Variants in PCDH19 observed in about 807,000 individuals in gnomAD.
PCDH19 encodes the protein protocadherin-19.
A neutral mutation model predicts 46.2 loss-of-function variants in PCDH19; 6 were observed. That is an observed-to-expected ratio of 0.13 (90% CI 0.07 to 0.26). The LOEUF is 0.26. Ranked by LOEUF, PCDH19 falls within the 10% of genes least tolerant of loss-of-function variation. The pLI, the probability that PCDH19 is intolerant of heterozygous loss-of-function variation, is 1.00. For synonymous variants in PCDH19, 481 were observed against 415.7 expected (o/e 1.16, Z -1.91); for missense variants, 740 against 972.3 (o/e 0.76, Z 3.18).
In PCDH19 at chrX:100,344,266, C is replaced by T. The variant is rs150747535; in HGVS notation, c.2676-2191G>A. Among the ~76,000 whole-genome samples the T allele has an allele frequency of 2.6e-3, 296 of 111,833 alleles. 1 individual carries two copies. The highest frequency in any genetic ancestry group is 9.1e-3 in the African/African-American group (279 of 30,753). ...CAGCCTTATGGACCCACCAGGATGC[C>T]GTTCTTTAAAAAACAAACAAACAAG... On this transcript the variant is annotated intron_variant, in intron 4 of 5. Coordinates refer to ENST00000373034, the MANE Select transcript of PCDH19 (RefSeq NM_001184880.2).
intron 5 of PCDH19, among the ~76,000 whole-genome samples, chrX:100,339,747 T>C (rs893097187): frequency 9.0e-6 from 1 of 111,726 alleles, no homozygotes; most frequent in Non-Finnish European, 1.9e-5. Context: ...ATTCTTTTTG[T>C]ACCTAAACTT....
At chrX:100,392,920 TAGA>T (rs1927903860) in intron 3 of PCDH19, among the ~76,000 whole-genome samples, 1 of 111,124 alleles carries the variant, frequency 9.0e-6, no homozygotes, top group African/African-American at 3.3e-5. Flanking sequence ...TCTTCTCACT[TAGA>T]AAAGATATGG....
At chrX:100,319,191 G>T (rs1171346619) in intron 5 of PCDH19, among the ~76,000 whole-genome samples, 1 of 111,596 alleles carries the variant, frequency 9.0e-6, no homozygotes, top group African/African-American at 3.3e-5. Flanking sequence ...GATTAACAGG[G>T]AGCATAATGT....
rs143186876 is a variant in PCDH19 at position 100,388,792 on chromosome X, G to A, written c.2616+13732C>T. 1.5e-4 allele frequency among the ~76,000 whole-genome samples: 17 copies of A among 110,241 alleles called. No individual in the cohort carries two copies. The East Asian group carries it at 3.4e-3, about 22-fold the overall frequency. On this transcript the variant is annotated intron_variant, in intron 3 of 5. Coordinates refer to ENST00000373034, the MANE Select transcript of PCDH19 (RefSeq NM_001184880.2). ...AAAATGACATCTTACATATCAAATC[G>A]TTGTCTGTGATTCCCCTGAGGTAAC...
intron 5 of PCDH19, among the ~76,000 whole-genome samples, chrX:100,334,505 T>C (rs1409921261): frequency 5.4e-5 from 6 of 111,360 alleles, no homozygotes; most frequent in Non-Finnish European, 1.1e-4. Flanking sequence ...CATATCAGGA[T>C]TACATATTTA....
At chrX:100,392,234 C>T (rs4828024) in intron 3 of PCDH19, among the ~76,000 whole-genome samples, 38,293 of 111,030 alleles carry the variant, frequency 0.34, 5,785 homozygotes, top group East Asian at 0.9. Flanking sequence ...GCTTTCTTTC[C>T]ATTTCAGAAA....
At chrX:100,348,846 G>C (rs775393195) in intron 4 of PCDH19, among the ~76,000 whole-genome samples, 2 of 111,110 alleles carry the variant, frequency 1.8e-5, no homozygotes, top group South Asian at 7.8e-4. Context: ...TAAGATGCAA[G>C]GGTCCCTGGG....
At chrX:100,333,179 GAGAGAGAA>G (rs1165067843) in intron 5 of PCDH19, among the ~76,000 whole-genome samples, 1 of 46,928 alleles carries the variant, frequency 2.1e-5, no homozygotes, top group Admixed American at 2.6e-4. Context: ...GGAAGGGAGA[GAGAGAGAA>G]AGAAAGAAAG....
intron 3 of PCDH19, among the ~76,000 whole-genome samples, chrX:100,352,555 G>A (rs1276269257): frequency 8.9e-6 from 1 of 112,317 alleles, no homozygotes; most frequent in African/African-American, 3.2e-5. Context: ...GTAGGGCTTG[G>A]TGGGAAGTGA....
At chrX:100,370,056 G>T (rs760957528) in intron 3 of PCDH19, among the ~76,000 whole-genome samples, 1 of 111,359 alleles carries the variant, frequency 9.0e-6, no homozygotes, top group African/African-American at 3.3e-5. Context: ...CACCAGATAG[G>T]CAAGCAGAGC....
intron 5 of PCDH19, among the ~76,000 whole-genome samples, chrX:100,299,007 A>T (rs995958046): frequency 9.0e-6 from 1 of 111,527 alleles, no homozygotes; most frequent in African/African-American, 3.3e-5. Flanking sequence ...ACCTCTAAAA[A>T]ATTAGTGAGA....
At chrX:100,384,027 GT>G (rs1315800796) in intron 3 of PCDH19, among the ~76,000 whole-genome samples, 1 of 111,500 alleles carries the variant, frequency 9.0e-6, no homozygotes, top group Non-Finnish European at 1.9e-5. Context: ...CTAGGAAAAT[GT>G]TTTTTACATC....
At chrX:100,309,616 G>A (rs1168222226) in intron 5 of PCDH19, among the ~76,000 whole-genome samples, 2 of 111,607 alleles carry the variant, frequency 1.8e-5, no homozygotes, top group Non-Finnish European at 3.8e-5. Flanking sequence ...ACATAACAGA[G>A]CCCTGAATAA....
chrX:100,408,350 G>C lies in PCDH19; in HGVS notation c.248C>G (p.Thr83Ser). Residue 83 changes from threonine (T) to serine (S), a missense_variant, in exon 1 of 6, where the codon ACC becomes AGC. Coordinates refer to ENST00000373034, the MANE Select transcript of PCDH19 (RefSeq NM_001184880.2). ...CAGATCACGGTCAATCTTCTGCTTG[G>C]TGACCAGCAGGCCAGAGCTGGGATT... is the stretch of plus-strand genomic sequence containing the variant. ...DINPSSGLLV[T>S]KQKIDRDLLC... is the part of the protein sequence containing the mutation. 8.3e-7 allele frequency: 1 copy of C among 1,210,259 alleles called. No individual in the cohort carries two copies. The highest frequency in any genetic ancestry group is 1.1e-6 in the Non-Finnish European group (1 of 895,094).
intron 5 of PCDH19, among the ~76,000 whole-genome samples, chrX:100,322,012 A>G (rs906454039): frequency 9.2e-6 from 1 of 108,949 alleles, no homozygotes; most frequent in Non-Finnish European, 1.9e-5. Context: ...GATGGTCTCG[A>G]TCTCCTGACC....
chrX:100,331,103 C>A (rs1049563011), intron 5 of PCDH19, among the ~76,000 whole-genome samples: 1 of 111,955 alleles, frequency 8.9e-6, no homozygotes, highest in Non-Finnish European at 1.9e-5. Context: ...ATACTTCCAA[C>A]CACATATTAG....
At chrX:100,394,032 T>A (rs1166130279) in intron 3 of PCDH19, among the ~76,000 whole-genome samples, 1 of 111,476 alleles carries the variant, frequency 9.0e-6, no homozygotes, top group East Asian at 2.8e-4. Flanking sequence ...CCGGGCATAG[T>A]GGTGCATGCC....
chrX:100,408,244 C>T lies in PCDH19; in HGVS notation c.354G>A (p.Glu118=). 1 of 1,211,882 alleles carries T rather than the reference C, an allele frequency of 8.3e-7. No homozygotes were observed. The change falls in exon 1 of 6, where the codon GAG becomes GAA. Residue 118 remains glutamate (E), a synonymous_variant. Coordinates refer to ENST00000373034, the MANE Select transcript of PCDH19 (RefSeq NM_001184880.2). ...GCGCATTGTCGTTCAGGTCCTTGAT[C>T]TCCACCTTTATCACGCAGATTTCCA... ...SSMEICVIKV[E]IKDLNDNAPS...
chrX:100,362,852 C>CA (rs945968890), intron 3 of PCDH19, among the ~76,000 whole-genome samples: 31 of 98,407 alleles, frequency 3.2e-4, no homozygotes, highest in East Asian at 2.2e-3. Context: ...TTATAAGCTT[C>CA]AAAAAAAAAA....
Sources: allele counts gnomAD v4.1 joint callset (sites outside exome capture counted in the v4.1 genomes callset), GRCh38; gene constraint gnomAD v4.1.1; transcripts MANE v1.5; gene names NCBI Gene and HGNC (gene_info 2026-07-23, HGNC 2026-07-21).